Variants in CNTN1 observed in about 807,000 individuals in gnomAD.
CNTN1 encodes contactin 1, also known as contactin-1.
Under a neutral mutation model 126.4 loss-of-function variants are expected in CNTN1, and 38 were observed. The ratio of observed to expected loss-of-function variants is 0.30; its 90% CI spans 0.23 to 0.39. The LOEUF (loss-of-function observed/expected upper bound fraction) is 0.39, where lower values mean the gene tolerates loss of function less well. Ranked by LOEUF, CNTN1 falls within the 10% of genes least tolerant of loss-of-function variation. The pLI, the probability that CNTN1 is intolerant of heterozygous loss-of-function variation, is 1.00. For missense variants in CNTN1, 1,009 were observed against 1,248.4 expected, an observed-to-expected ratio of 0.81 and a Z score of 2.89; for synonymous variants, 413 against 422.6, an observed-to-expected ratio of 0.98 and a Z score of 0.28.
intron 1 of CNTN1, among the ~76,000 whole-genome samples, chr12:40,778,002 G>A (rs1004047544): frequency 6.6e-6 from 1 of 151,798 alleles, no homozygotes; most frequent in Non-Finnish European, 1.5e-5. Flanking sequence ...ATGTAAAGGG[G>A]CAATGAAAAC....
intron 23 of CNTN1, among the ~76,000 whole-genome samples, chr12:41,052,059 C>T (rs1052054422): frequency 6.6e-6 from 1 of 152,120 alleles, no homozygotes; most frequent in African/African-American, 2.4e-5. Flanking sequence ...TTATCAGCAT[C>T]TTCCTTCAGT....
intron 23 of CNTN1, among the ~76,000 whole-genome samples, chr12:41,034,223 G>A (rs1949207053): frequency 6.6e-6 from 1 of 152,016 alleles, no homozygotes; most frequent in Non-Finnish European, 1.5e-5. Flanking sequence ...AATTTATCCT[G>A]ATATTACCAC....
At chr12:40,778,341 A>G (rs1191036493) in intron 1 of CNTN1, among the ~76,000 whole-genome samples, 1 of 151,870 alleles carries the variant, frequency 6.6e-6, no homozygotes, top group Non-Finnish European at 1.5e-5. Context: ...ACATAGCCAC[A>G]TGCATTCATT....
chr12:40,738,265 T>A (rs1342961483), intron 1 of CNTN1, among the ~76,000 whole-genome samples: 1 of 151,982 alleles, frequency 6.6e-6, no homozygotes, highest in Non-Finnish European at 1.5e-5. Context: ...ATACACCAAC[T>A]AGTGCGGGAA....
At chr12:40,710,295 G>A (rs1332618402) in intron 1 of CNTN1, among the ~76,000 whole-genome samples, 1 of 152,116 alleles carries the variant, frequency 6.6e-6, no homozygotes, top group African/African-American at 2.4e-5. Flanking sequence ...TTAGCCCTTG[G>A]TGGAGCAGTC....
chr12:40,982,691 A>G (rs1181509454), intron 16 of CNTN1, among the ~76,000 whole-genome samples: 1 of 152,134 alleles, frequency 6.6e-6, no homozygotes, highest in Non-Finnish European at 1.5e-5. Context: ...AGTAGCAGTG[A>G]ACATAATAAC....
At chr12:41,069,847 G>C in intron 23 of CNTN1, 112 bp from the exon 24 acceptor site, 3 of 804,960 alleles carry the variant, frequency 3.7e-6, no homozygotes, top group Non-Finnish European at 6.5e-6. Flanking sequence ...TTTGTGAAAG[G>C]ACCCATTTGT....
At chr12:40,721,988 T>G (rs1449474312) in intron 1 of CNTN1, among the ~76,000 whole-genome samples, 1 of 151,532 alleles carries the variant, frequency 6.6e-6, no homozygotes, top group African/African-American at 2.4e-5. Flanking sequence ...TCTTTGCTAT[T>G]GTGAATAGTG....
At chr12:41,046,847 C>CTTTTTTTTTT (rs56655599) in intron 23 of CNTN1, among the ~76,000 whole-genome samples, 3 of 118,990 alleles carry the variant, frequency 2.5e-5, no homozygotes, top group African/African-American at 6.5e-5. Flanking sequence ...TTGCTTATTT[C>CTTTTTTTTTT]TTTTTTTTTT....
At chr12:40,725,428 A>AG (rs1462848079) in intron 1 of CNTN1, among the ~76,000 whole-genome samples, 6 of 37,276 alleles carry the variant, frequency 1.6e-4, no homozygotes, top group Admixed American at 3.8e-4. Flanking sequence ...AAAAAAGGAA[A>AG]GAAAAAAAAA....
chr12:40,860,918 GC>G (rs1943096298), intron 1 of CNTN1, among the ~76,000 whole-genome samples: 1 of 151,964 alleles, frequency 6.6e-6, no homozygotes, highest in African/African-American at 2.4e-5. Flanking sequence ...CTATCTAGGG[GC>G]CCACAAAGAG....
chr12:40,721,420 T>A (rs1942209133), intron 1 of CNTN1, among the ~76,000 whole-genome samples: 1 of 152,096 alleles, frequency 6.6e-6, no homozygotes, highest in Non-Finnish European at 1.5e-5. Context: ...ATCAACTTAT[T>A]TTCCCTGCCA....
At chr12:40,877,659 TTTA>T (rs901561270) in intron 1 of CNTN1, among the ~76,000 whole-genome samples, 6 of 152,200 alleles carry the variant, frequency 3.9e-5, no homozygotes, top group Non-Finnish European at 8.8e-5. Flanking sequence ...ACTGATGAGG[TTTA>T]TATAACCCAT....
chr12:41,049,744 A>G (rs1320839350), intron 23 of CNTN1, among the ~76,000 whole-genome samples: 1 of 152,198 alleles, frequency 6.6e-6, no homozygotes, highest in Non-Finnish European at 1.5e-5. Context: ...GGACTAGATC[A>G]TATTCATATT....
intron 1 of CNTN1, among the ~76,000 whole-genome samples, chr12:40,853,099 A>G (rs1942778382): frequency 6.6e-6 from 1 of 152,134 alleles, no homozygotes; most frequent in African/African-American, 2.4e-5. Flanking sequence ...GAAAAACAAT[A>G]TGTAAGAAAT....
intron 7 of CNTN1, among the ~76,000 whole-genome samples, chr12:40,932,612 C>A (rs923123373): frequency 6.6e-6 from 1 of 151,844 alleles, no homozygotes; most frequent in Non-Finnish European, 1.5e-5. Context: ...TTTTAAAATT[C>A]CTTGCACACT....
At chr12:40,793,686 A>C (rs1940304973) in intron 1 of CNTN1, among the ~76,000 whole-genome samples, 1 of 151,728 alleles carries the variant, frequency 6.6e-6, no homozygotes, top group African/African-American at 2.4e-5. Flanking sequence ...TCCTGGAATC[A>C]CTCCCCTGTC....
At chr12:40,829,495 CT>C (rs1565795303) in intron 1 of CNTN1, among the ~76,000 whole-genome samples, 1 of 151,972 alleles carries the variant, frequency 6.6e-6, no homozygotes, top group Non-Finnish European at 1.5e-5. Context: ...AAAAGTATCA[CT>C]TTATTTTTTT....
chr12:40,885,835 AGCTGGT>A (rs1030518810), intron 1 of CNTN1, among the ~76,000 whole-genome samples: 5 of 151,980 alleles, frequency 3.3e-5, no homozygotes, highest in Admixed American at 2.6e-4. Flanking sequence ...TGTTATCAGG[AGCTGGT>A]ATAGTTTTCC....
Sources: gnomAD v4.1 joint callset for allele counts (sites outside exome capture counted in the v4.1 genomes callset) on GRCh38, gnomAD v4.1.1 for gene constraint, MANE v1.5 for transcripts, NCBI Gene and HGNC (gene_info 2026-07-23, HGNC 2026-07-21) for gene names.